TCF12: variants seen among roughly 807,000 people sequenced by gnomAD.
TCF12 encodes the protein transcription factor 12, also known as DNA-binding protein HTF4.
TCF12 carries 45 observed loss-of-function variants against 86.0 expected under a neutral mutation model. That is an observed-to-expected ratio of 0.52 (90% CI 0.41 to 0.67). TCF12 has a LOEUF of 0.67. Among genes scored for constraint, TCF12 ranks in the 30% least tolerant of loss-of-function variants. The pLI, the probability that TCF12 is intolerant of heterozygous loss-of-function variation, is 0.00. For missense variants in TCF12, 881 were observed against 859.9 expected (o/e 1.02, Z -0.31); for synonymous variants, 330 against 299.6 (o/e 1.10, Z -1.05).
chr15:57,023,630 A>C (rs2065631758), intron 3 of TCF12, among the ~76,000 whole-genome samples: 1 of 152,226 alleles, frequency 6.6e-6, no homozygotes, highest in South Asian at 2.1e-4. Context: ...AACCGAGGGA[A>C]TGTTTGGAAA....
intron 5 of TCF12, among the ~76,000 whole-genome samples, chr15:57,144,580 A>G (rs2053224298): frequency 6.6e-6 from 1 of 152,152 alleles, no homozygotes; most frequent in African/African-American, 2.4e-5. Context: ...TCAAATCATC[A>G]AATGACGTAA....
At position 57,192,158 on chromosome 15, in the gene TCF12, T is replaced by C. The variant is rs757459436; in HGVS notation, c.391T>C (p.Ser131Pro). The C allele has an allele frequency of 1.6e-5, 26 of 1,613,474 alleles. No homozygotes were observed. The highest frequency in any genetic ancestry group is 2.2e-5 in the East Asian group (1 of 44,886). ...SRDTGLPGCQ[S>P]SLLRQDLGLG... ...TTGTTTCCTTGGCCTTATTTTATAG[T>C]CTAGTCTCCTGAGACAAGATCTGGG... Residue 131 changes from serine to proline, a missense_variant and splice_region_variant, in exon 7 of 21, where the codon TCT becomes CCT. Transcript: ENST00000333725.
intron 19 of TCF12, among the ~76,000 whole-genome samples, chr15:57,274,796 T>G (rs1174941553): frequency 6.6e-6 from 1 of 152,180 alleles, no homozygotes; most frequent in African/African-American, 2.4e-5. Flanking sequence ...GTACCAGAAT[T>G]TATTCTAGTA....
chr15:57,246,646 T>C (rs771166944), intron 13 of TCF12, among the ~76,000 whole-genome samples: 1 of 152,062 alleles, frequency 6.6e-6, no homozygotes, highest in Non-Finnish European at 1.5e-5. Flanking sequence ...CAGGGCAATA[T>C]ACCTGATGTA....
intron 6 of TCF12, among the ~76,000 whole-genome samples, chr15:57,178,380 C>CT (rs2056106347): frequency 6.6e-6 from 1 of 151,958 alleles, no homozygotes; most frequent in East Asian, 1.9e-4. Flanking sequence ...AACTATATGT[C>CT]TAATGCTATA....
chr15:56,991,208 T>C (rs934866972), intron 3 of TCF12, among the ~76,000 whole-genome samples: 1 of 152,232 alleles, frequency 6.6e-6, no homozygotes, highest in Non-Finnish European at 1.5e-5. Flanking sequence ...ATCTCACATA[T>C]TCAGTTGATT....
intron 3 of TCF12, among the ~76,000 whole-genome samples, chr15:56,925,420 A>G (rs2053472): frequency 0.39 from 59,960 of 152,024 alleles, 14,706 homozygotes; most frequent in Non-Finnish European, 0.54. Context: ...TCTTCAAGGT[A>G]TCCTTTGCTA....
chr15:56,974,009 A>G (rs912069107), intron 3 of TCF12, among the ~76,000 whole-genome samples: 1 of 152,136 alleles, frequency 6.6e-6, no homozygotes, highest in Non-Finnish European at 1.5e-5. Context: ...AAAATTTAGG[A>G]ATTACTCAGA....
chr15:57,264,287 G>A (rs189750320), intron 18 of TCF12, among the ~76,000 whole-genome samples: 1 of 122,330 alleles, frequency 8.2e-6, no homozygotes, highest in African/African-American at 3.0e-5. Context: ...TGCAACCTCC[G>A]CCTCCCAGGT....
intron 5 of TCF12, among the ~76,000 whole-genome samples, chr15:57,114,424 G>A (rs972260820): frequency 3.3e-5 from 5 of 152,064 alleles, no homozygotes; most frequent in African/African-American, 7.2e-5. Context: ...CCAAGTAGTC[G>A]GGAGTACAGG....
At chr15:57,142,948 A>G (rs2053087803) in intron 5 of TCF12, among the ~76,000 whole-genome samples, 1 of 152,224 alleles carries the variant, frequency 6.6e-6, no homozygotes, top group Admixed American at 6.5e-5. Context: ...CTAGCATTTG[A>G]TAGCACAATG....
chr15:57,057,852 T>A (rs2068151495), intron 3 of TCF12, among the ~76,000 whole-genome samples: 1 of 152,344 alleles, frequency 6.6e-6, no homozygotes, highest in South Asian at 2.1e-4. Context: ...AAAAATAGCA[T>A]CAACGTTTTG....
At chr15:57,155,187 CT>C (rs1330329367) in intron 5 of TCF12, among the ~76,000 whole-genome samples, 1 of 152,032 alleles carries the variant, frequency 6.6e-6, no homozygotes, top group Non-Finnish European at 1.5e-5. Flanking sequence ...GGATTTTTTT[CT>C]TTTCTTCCTT....
intron 4 of TCF12, chr15:57,072,788 G>T: frequency 9.7e-7 from 1 of 1,029,716 alleles, no homozygotes. Context: ...CCTTCTGAAT[G>T]TTCTGAATGT....
chr15:57,258,871 A>G (rs1342807055), intron 16 of TCF12, among the ~76,000 whole-genome samples: 1 of 152,182 alleles, frequency 6.6e-6, no homozygotes, highest in African/African-American at 2.4e-5. Flanking sequence ...ATAGGGTAAT[A>G]TTTTATTCAA....
rs2056669799 is a variant in TCF12, at chr15:57,186,432, A to G, written c.391-5726A>G. Among the ~76,000 whole-genome samples the G allele has an allele frequency of 1.3e-5, 2 of 152,024 alleles. 1 individual carries two copies. Among genetic ancestry groups the G allele is most frequent in the South Asian group, 4.1e-4 (2 of 4,820 alleles). On this transcript the variant is annotated intron_variant, in intron 6 of 20. Coordinates refer to ENST00000333725, the MANE Select transcript of TCF12 (RefSeq NM_207037.2). ...GAGGATCACATGAGCCTGGGAGGTC[A>G]AGGCTGCAGTGAGCCATCATTGAGC...
intron 12 of TCF12, among the ~76,000 whole-genome samples, chr15:57,240,901 AGAAAGGG>A (rs2059595006): frequency 2.2e-5 from 3 of 138,232 alleles, no homozygotes; most frequent in Admixed American, 7.0e-5. Context: ...AAAAAAAAAA[AGAAAGGG>A]AAAAGGTATG....
At chr15:57,077,327 ATGTGTGTGTG>A (rs1172206511) in intron 4 of TCF12, among the ~76,000 whole-genome samples, 91 of 25,696 alleles carry the variant, frequency 3.5e-3, no homozygotes, top group African/African-American at 0.026. Flanking sequence ...ATGTATATAT[ATGTGTGTGTG>A]TGTGTGTGTG....
chr15:57,054,911 G>C (rs1312534539), intron 3 of TCF12, among the ~76,000 whole-genome samples: 1 of 149,290 alleles, frequency 6.7e-6, no homozygotes, highest in African/African-American at 2.5e-5. Context: ...CTTATTATAG[G>C]TCTATTTACT....
Sources: allele counts gnomAD v4.1 joint callset (sites outside exome capture counted in the v4.1 genomes callset), GRCh38; gene constraint gnomAD v4.1.1; transcripts MANE v1.5; gene names NCBI Gene and HGNC (gene_info 2026-07-23, HGNC 2026-07-21).